MYO9A: variants seen among roughly 807,000 people sequenced by gnomAD.
MYO9A encodes myosin IXA.
In MYO9A, 103 loss-of-function variants were observed where a neutral mutation model predicts 293.3. That is an observed-to-expected ratio of 0.35 (90% CI 0.30 to 0.41). MYO9A has a LOEUF of 0.41. MYO9A is among the 10% of genes least tolerant of loss of function. The pLI is 1.00. For missense variants in MYO9A, 2,685 were observed against 3,033.0 expected (o/e 0.89, Z 2.69); for synonymous variants, 1,001 against 1,035.7 (o/e 0.97, Z 0.64).
intron 19 of MYO9A, among the ~76,000 whole-genome samples, chr15:71,905,356 A>G (rs979393049): frequency 2.6e-5 from 4 of 152,238 alleles, no homozygotes; most frequent in African/African-American, 9.6e-5. Context: ...GAGGGTATCC[A>G]GTAAGGTAGT....
chr15:71,914,785 A>G (rs145444798), intron 19 of MYO9A, among the ~76,000 whole-genome samples: 130 of 152,358 alleles, frequency 8.5e-4, no homozygotes, highest in African/African-American at 3.0e-3. Context: ...ATTCATGAAT[A>G]TAAATTGAGA....
At chr15:71,941,126 C>T (rs71395050) in intron 15 of MYO9A, among the ~76,000 whole-genome samples, 1,996 of 152,240 alleles carry the variant, frequency 0.013, 20 homozygotes, top group East Asian at 0.024. Flanking sequence ...AGCTCACTCC[C>T]TGATCCCATT....
At chr15:71,838,297 G>T (rs2055018095) in intron 39 of MYO9A, among the ~76,000 whole-genome samples, 1 of 151,740 alleles carries the variant, frequency 6.6e-6, no homozygotes, top group South Asian at 2.1e-4. Context: ...TTTCCTTATG[G>T]TCATTTTTGT....
chr15:72,080,384 C>A (rs2079506809), intron 1 of MYO9A, among the ~76,000 whole-genome samples: 1 of 132,738 alleles, frequency 7.5e-6, no homozygotes, highest in South Asian at 2.4e-4. Flanking sequence ...TGAGAAGTTT[C>A]TCTGGGAGTT....
chr15:71,893,092 T>C (rs2057226240), intron 26 of MYO9A: 1 of 1,289,888 alleles, frequency 7.8e-7, no homozygotes, highest in Non-Finnish European at 1.0e-6. Context: ...TGTATCCCCC[T>C]CCCCATCGGC....
intron 1 of MYO9A, among the ~76,000 whole-genome samples, chr15:72,101,367 G>A (rs1204162390): frequency 6.9e-6 from 1 of 145,432 alleles, no homozygotes; most frequent in Non-Finnish European, 1.5e-5. Flanking sequence ...CCGGCCAGCC[G>A]CCCCATCTGG....
intron 13 of MYO9A, among the ~76,000 whole-genome samples, chr15:71,967,590 T>C (rs2075908925): frequency 6.6e-6 from 1 of 152,168 alleles, no homozygotes; most frequent in African/African-American, 2.4e-5. Flanking sequence ...AGAGTTTCAA[T>C]ATATTCATGA....
At chr15:71,843,315 G>A (rs765035511) in intron 39 of MYO9A, among the ~76,000 whole-genome samples, 15 of 152,078 alleles carry the variant, frequency 9.9e-5, no homozygotes, top group Non-Finnish European at 1.8e-4. Context: ...TATAATCTCA[G>A]CTACTTGGAA....
At chr15:72,036,982 C>G (rs973742779) in intron 2 of MYO9A, among the ~76,000 whole-genome samples, 2 of 151,674 alleles carry the variant, frequency 1.3e-5, no homozygotes, top group African/African-American at 4.8e-5. Flanking sequence ...ATCCACCTAC[C>G]TGAGCCTCCC....
intron 11 of MYO9A, among the ~76,000 whole-genome samples, chr15:71,983,467 TTTC>T (rs1227790984): frequency 4.5e-4 from 66 of 147,416 alleles, no homozygotes; most frequent in Non-Finnish European, 8.0e-4. Context: ...ATTTTTTTTA[TTTC>T]TTTTTTTTTT....
At chr15:72,044,398 T>G (rs997662509) in intron 2 of MYO9A, among the ~76,000 whole-genome samples, 9 of 149,430 alleles carry the variant, frequency 6.0e-5, no homozygotes, top group African/African-American at 2.2e-4. Context: ...AGAGCAAAAT[T>G]GTCTCAAAAA....
chr15:71,916,542 A>C, intron 18 of MYO9A, 50 bp from the exon 19 acceptor site: 1 of 1,562,592 alleles, frequency 6.4e-7, no homozygotes. Flanking sequence ...TCTAACAATA[A>C]GCCAAAATTC....
rs568298408 is a variant in MYO9A, at chr15:71,978,705, G to C, written c.1723-413C>G. Among the ~76,000 whole-genome samples, 9 of 151,512 alleles carry C rather than the reference G, an allele frequency of 5.9e-5. No homozygotes were observed. In the South Asian group the frequency reaches 1.9e-3, roughly 32 times the overall value. The stretch of plus-strand genomic sequence containing the variant: ...AATGAAACAATTTCTGGGAAAAGTG[G>C]GACCCCATCACCCTCCAGTAATTAT... On this transcript the variant is annotated intron_variant, in intron 11 of 41. Transcript: ENST00000356056.
intron 18 of MYO9A, among the ~76,000 whole-genome samples, chr15:71,917,501 C>T (rs374873014): frequency 6.6e-5 from 10 of 152,230 alleles, no homozygotes; most frequent in African/African-American, 2.2e-4. Context: ...AGCCACTGCA[C>T]ACCAGCCCGG....
intron 1 of MYO9A, among the ~76,000 whole-genome samples, chr15:72,056,402 C>T (rs1181590070): frequency 2.0e-5 from 3 of 152,212 alleles, no homozygotes; most frequent in Non-Finnish European, 4.4e-5. Flanking sequence ...TGGAATACTA[C>T]TCAGCCATAA....
chr15:72,016,936 C>A (rs751157544), intron 6 of MYO9A, among the ~76,000 whole-genome samples: 146 of 151,274 alleles, frequency 9.7e-4, no homozygotes, highest in Non-Finnish European at 1.7e-3. Context: ...CCATTATTAA[C>A]CCCTAAAATA....
intron 25 of MYO9A, among the ~76,000 whole-genome samples, chr15:71,894,919 T>C (rs551366190): frequency 1.3e-5 from 2 of 152,334 alleles, no homozygotes; most frequent in East Asian, 3.9e-4. Flanking sequence ...CATATCTTAC[T>C]TCCAAGGATA....
intron 37 of MYO9A, 112 bp downstream of exon 37, chr15:71,851,139 TAA>T: frequency 1.2e-6 from 1 of 816,068 alleles, no homozygotes; most frequent in Non-Finnish European, 1.9e-6. Flanking sequence ...ACTGACTTTA[TAA>T]ATAGAAGAAA....
At chr15:71,850,765 CAAAAAAAAAAAAAAAAAAAAAA>C (rs780727961) in intron 37 of MYO9A, among the ~76,000 whole-genome samples, 6 of 44,142 alleles carry the variant, frequency 1.4e-4, no homozygotes, top group African/African-American at 5.0e-4. Flanking sequence ...AACTGTGTCT[CAAAAAAAAAAAAAAAAAAAAAA>C]AAAAAAAAAA....
Sources: allele counts gnomAD v4.1 joint callset (sites outside exome capture counted in the v4.1 genomes callset), GRCh38; gene constraint gnomAD v4.1.1; transcripts MANE v1.5; gene names NCBI Gene and HGNC (gene_info 2026-07-23, HGNC 2026-07-21).